Variants in HECW1 observed in about 807,000 individuals in gnomAD.
The protein encoded by HECW1 is HECT, C2 and WW domain containing E3 ubiquitin protein ligase 1.
HECW1 carries 61 observed loss-of-function variants against 182.3 expected under a neutral mutation model. The observed-to-expected ratio is 0.33, with a 90% CI of 0.27 to 0.41. The LOEUF is 0.41. Ranked by LOEUF, HECW1 falls within the 10% of genes least tolerant of loss-of-function variation. The pLI, the probability that HECW1 is intolerant of heterozygous loss-of-function variation, is 1.00. For synonymous variants in HECW1, 859 were observed against 832.6 expected (o/e 1.03, Z -0.55); for missense variants, 1,739 against 2,108.9 (o/e 0.82, Z 3.44).
intron 3 of HECW1, among the ~76,000 whole-genome samples, chr7:43,301,643 A>G (rs949018429): frequency 3.7e-4 from 56 of 152,120 alleles, no homozygotes; most frequent in African/African-American, 1.3e-3. Flanking sequence ...TTGGGAGGTC[A>G]AGGTGGATCA....
chr7:43,482,459 C>T (rs1226478088), intron 17 of HECW1, among the ~76,000 whole-genome samples: 2 of 152,150 alleles, frequency 1.3e-5, no homozygotes, highest in Non-Finnish European at 2.9e-5. Context: ...CAATCCCTGC[C>T]TTAGAGAAGT....
rs1160143039 is a variant in HECW1, at chr7:43,561,980, G to C, written c.*54G>C. ...TGGCCAGTGACATCACCCTTCCTGG[G>C]ATGATCCCCTTTTCCCTTTCCCTTA... is the stretch of plus-strand genomic sequence containing the variant. On this transcript the variant is annotated 3_prime_UTR_variant, in exon 30 of 30. Coordinates refer to ENST00000395891, the MANE Select transcript of HECW1 (RefSeq NM_015052.5). 5 of 1,016,118 alleles carry C rather than the reference G, an allele frequency of 4.9e-6. No homozygotes were observed. The highest frequency in any genetic ancestry group is 1.8e-5 in the Admixed American group (1 of 56,312). The allele number at this position is 1,016,118 out of a possible 1,614,324, so 62.9% of individuals were successfully genotyped here.
intron 5 of HECW1, among the ~76,000 whole-genome samples, chr7:43,335,340 T>C (rs772973454): frequency 1.3e-5 from 2 of 152,316 alleles, no homozygotes; most frequent in Admixed American, 6.5e-5. Context: ...TTGACACATA[T>C]GAAGTGGTTA....
chr7:43,143,998 A>G (rs554638782), intron 2 of HECW1, among the ~76,000 whole-genome samples: 1 of 152,292 alleles, frequency 6.6e-6, no homozygotes, highest in East Asian at 1.9e-4. Flanking sequence ...ACAGATGATG[A>G]TATTGCTGCA....
At chr7:43,556,354 G>T (rs2082021224) in intron 29 of HECW1, among the ~76,000 whole-genome samples, 2 of 152,196 alleles carry the variant, frequency 1.3e-5, no homozygotes, top group Admixed American at 1.3e-4. Context: ...CAACATCACA[G>T]GGGATGCAGT....
intron 3 of HECW1, among the ~76,000 whole-genome samples, chr7:43,278,907 T>A (rs998949403): frequency 6.6e-6 from 1 of 152,180 alleles, no homozygotes; most frequent in Admixed American, 6.5e-5. Flanking sequence ...ACTGTCTTGT[T>A]TGTAGTCTCC....
chr7:43,241,770 AT>A (rs1798910721), intron 2 of HECW1, among the ~76,000 whole-genome samples: 2 of 152,198 alleles, frequency 1.3e-5, no homozygotes, highest in East Asian at 3.9e-4. Context: ...TTCTGAGTCA[AT>A]TTTGCAAGAT....
chr7:43,436,469 G>A (rs2076717526), intron 8 of HECW1, among the ~76,000 whole-genome samples: 1 of 152,172 alleles, frequency 6.6e-6, no homozygotes, highest in Admixed American at 6.5e-5. Flanking sequence ...AAGGGAGTCA[G>A]CGAAGGGAGA....
chr7:43,382,827 A>G (rs1455241745), intron 6 of HECW1, among the ~76,000 whole-genome samples: 1 of 152,198 alleles, frequency 6.6e-6, no homozygotes, highest in Non-Finnish European at 1.5e-5. Flanking sequence ...GGTTTGTTAC[A>G]TAGGTATACA....
At chr7:43,381,447 G>A (rs1235678605) in intron 6 of HECW1, among the ~76,000 whole-genome samples, 8 of 151,270 alleles carry the variant, frequency 5.3e-5, no homozygotes, top group Non-Finnish European at 1.0e-4. Context: ...TTTGCCTCCT[G>A]AGTAGCTAGG....
rs372984920 is a variant in HECW1, at chr7:43,549,380, T to C, written c.4249-1065T>C. ...ATCAGACTACTTATGGACTGCTTTG[T>C]TTAGGTACCTGTGTCCACAAGTGCC... On this transcript the variant is annotated intron_variant, in intron 26 of 29. Coordinates refer to ENST00000395891, the MANE Select transcript of HECW1 (RefSeq NM_015052.5). 1.1e-4 allele frequency among the ~76,000 whole-genome samples: 16 copies of C among 152,364 alleles called. No homozygotes were observed. The East Asian group carries it at 2.7e-3, about 26-fold the overall frequency.
chr7:43,512,353 A>G (rs1291709594), intron 24 of HECW1, among the ~76,000 whole-genome samples: 2 of 152,240 alleles, frequency 1.3e-5, no homozygotes, highest in Non-Finnish European at 2.9e-5. Flanking sequence ...AGAGATAAGC[A>G]TAACCACAGA....
chr7:43,558,105 G>C (rs924336700), intron 29 of HECW1, among the ~76,000 whole-genome samples: 1 of 152,170 alleles, frequency 6.6e-6, no homozygotes, highest in Non-Finnish European at 1.5e-5. Flanking sequence ...CTAGGACCCG[G>C]AGGCAGCATC....
intron 2 of HECW1, among the ~76,000 whole-genome samples, chr7:43,115,327 CA>C (rs910009953): frequency 1.5e-4 from 21 of 138,114 alleles, no homozygotes; most frequent in African/African-American, 5.9e-4. Context: ...TCCACTATAG[CA>C]AAACATTTGG....
intron 13 of HECW1, among the ~76,000 whole-genome samples, chr7:43,458,163 A>G (rs922293449): frequency 1.3e-5 from 2 of 152,242 alleles, no homozygotes; most frequent in South Asian, 2.1e-4. Flanking sequence ...CATCTTACAT[A>G]GAGACCCTGT....
At chr7:43,346,517 T>G (rs147871927) in intron 5 of HECW1, among the ~76,000 whole-genome samples, 1 of 152,204 alleles carries the variant, frequency 6.6e-6, no homozygotes. Flanking sequence ...GGTATTTATC[T>G]TTGTTTTTAT....
chr7:43,322,151 C>A (rs368026825), intron 5 of HECW1, among the ~76,000 whole-genome samples: 2 of 152,262 alleles, frequency 1.3e-5, no homozygotes, highest in East Asian at 1.9e-4. Context: ...CTCACTGCAA[C>A]CTCCGCCTCC....
In HECW1 at chr7:43,554,740, G is replaced by T. The variant is rs766714514; in HGVS notation, c.4659G>T (p.Gly1553=). Reference sequence around the variant, plus strand: ...TCGCAGCCCTCCGTGGGAGCAATGGGCTTCGGCGCTTCTGCATAGAGAAAT... The same window carrying T: ...TCGCAGCCCTCCGTGGGAGCAATGGTCTTCGGCGCTTCTGCATAGAGAAAT... ...EGFAALRGSN[G]LRRFCIEKWG... Residue 1553 remains glycine (G), a synonymous_variant, in exon 29 of 30, where the codon GGG becomes GGT. Transcript: ENST00000395891. 2 of 1,614,112 alleles carry T rather than the reference G, an allele frequency of 1.2e-6. No homozygotes were observed. The highest frequency in any genetic ancestry group is 1.7e-6 in the Non-Finnish European group (2 of 1,179,982).
At chr7:43,126,067 C>CTTTT (rs71008891) in intron 2 of HECW1, among the ~76,000 whole-genome samples, 53 of 103,972 alleles carry the variant, frequency 5.1e-4, no homozygotes, top group African/African-American at 9.2e-4. Context: ...TTTGTTCTCA[C>CTTTT]TTTTTTTTTT....
Sources: gnomAD v4.1 joint callset for allele counts (sites outside exome capture counted in the v4.1 genomes callset) on GRCh38, gnomAD v4.1.1 for gene constraint, MANE v1.5 for transcripts, NCBI Gene and HGNC (gene_info 2026-07-23, HGNC 2026-07-21) for gene names.